The following ABHD18 variants were observed in gnomAD, a reference collection of about 807,000 sequenced individuals.
ABHD18 encodes cardiolipin-specific deacylase, mitochondrial.
In ABHD18, 55 loss-of-function variants were observed where a neutral mutation model predicts 65.9. The ratio of observed to expected loss-of-function variants is 0.84; its 90% confidence interval spans 0.67 to 1.05. The LOEUF (loss-of-function observed/expected upper bound fraction) is 1.05. Among genes scored for constraint, ABHD18 ranks in the 50% least tolerant of loss-of-function variants. The pLI is 0.00. For synonymous variants in ABHD18, 181 were observed against 180.2 expected (o/e 1.00, Z -0.04); for missense variants, 533 against 558.5 (o/e 0.95, Z 0.46).
chr4:128,011,806 A>T, intron 7 of ABHD18, 106 bp downstream of exon 7: 3 of 277,322 alleles, frequency 1.1e-5, no homozygotes, highest in Non-Finnish European at 2.0e-5. Context: ...ATACCTAAAT[A>T]TTATGGGGGG....
intron 1 of ABHD18, among the ~76,000 whole-genome samples, chr4:127,981,106 G>T (rs1313359739): frequency 2.0e-5 from 3 of 152,112 alleles, no homozygotes; most frequent in Admixed American, 6.6e-5. Flanking sequence ...AAAGACTTGG[G>T]TGCTCCTTTT....
intron 1 of ABHD18, among the ~76,000 whole-genome samples, chr4:127,973,755 CA>C (rs1236640957): frequency 7.0e-6 from 1 of 142,388 alleles, no homozygotes; most frequent in Non-Finnish European, 1.5e-5. Context: ...TGAAGAGAGC[CA>C]TGTGACAGGG....
intron 4 of ABHD18, among the ~76,000 whole-genome samples, chr4:127,992,857 A>T (rs569761674): frequency 6.6e-6 from 1 of 152,044 alleles, no homozygotes; most frequent in African/African-American, 2.4e-5. Flanking sequence ...ACTCTTTTAG[A>T]TATGCTTTAT....
rs150803860 is a variant in ABHD18, at chr4:127,990,383, C to T, written c.278+562C>T. Among the ~76,000 whole-genome samples, 672 of 151,956 alleles carry T rather than the reference C, an allele frequency of 4.4e-3. 8 individuals are homozygous for T. Among genetic ancestry groups the T allele is most frequent in the African/African-American group, 0.015 (641 of 41,438 alleles). ...TTCTAGACCAGCCTGGCCAACGTGG[C>T]GAAACCCCATCTCTACTGAAAACAC... On this transcript the variant is annotated intron_variant, in intron 4 of 12. Transcript: ENST00000645843.
chr4:127,974,197 T>TG (rs1233681525), intron 1 of ABHD18, among the ~76,000 whole-genome samples: 86 of 143,052 alleles, frequency 6.0e-4, no homozygotes, highest in African/African-American at 1.9e-3. Context: ...TGTTTTTTTT[T>TG]TTTTTTTTTT....
intron 4 of ABHD18, among the ~76,000 whole-genome samples, chr4:128,002,898 C>T (rs898104681): frequency 2.0e-5 from 3 of 152,052 alleles, no homozygotes; most frequent in African/African-American, 4.8e-5. Context: ...CCTGCCTCAC[C>T]TCCCAAAGTG....
At chr4:127,997,272 G>A (rs1011557922) in intron 4 of ABHD18, among the ~76,000 whole-genome samples, 12 of 152,232 alleles carry the variant, frequency 7.9e-5, no homozygotes, top group South Asian at 2.1e-4. Flanking sequence ...CTGACTTCCC[G>A]TAACACACTT....
intron 4 of ABHD18, among the ~76,000 whole-genome samples, chr4:127,997,878 GT>G (rs371396935): frequency 6.9e-6 from 1 of 144,652 alleles, no homozygotes. Flanking sequence ...CCTCCTCCTC[GT>G]TTTTTTTTGT....
At chr4:128,016,580 G>GA (rs1312732367) in intron 7 of ABHD18, among the ~76,000 whole-genome samples, 5 of 151,624 alleles carry the variant, frequency 3.3e-5, no homozygotes, top group Non-Finnish European at 1.5e-5. Flanking sequence ...TTCAAGACCA[G>GA]TCTGGCCAAC....
intron 4 of ABHD18, among the ~76,000 whole-genome samples, chr4:127,998,395 A>C (rs1226288621): frequency 7.0e-6 from 1 of 143,342 alleles, no homozygotes; most frequent in Non-Finnish European, 1.5e-5. Flanking sequence ...TCCCGCCACC[A>C]CACCCTGCTA....
At chr4:127,987,119 G>A (rs530568804) in intron 3 of ABHD18, among the ~76,000 whole-genome samples, 3 of 152,238 alleles carry the variant, frequency 2.0e-5, no homozygotes, top group East Asian at 1.9e-4. Context: ...TTGGGAGGCC[G>A]AGGCAGTGGA....
intron 1 of ABHD18, among the ~76,000 whole-genome samples, chr4:127,976,617 G>A (rs906669717): frequency 1.3e-5 from 2 of 152,082 alleles, no homozygotes; most frequent in Admixed American, 6.6e-5. Flanking sequence ...ATTCTTTTCA[G>A]ATACTATTTG....
At chr4:127,996,499 C>A (rs1479634566) in intron 4 of ABHD18, among the ~76,000 whole-genome samples, 2 of 152,050 alleles carry the variant, frequency 1.3e-5, no homozygotes, top group African/African-American at 4.8e-5. Context: ...CTTCAAAGGG[C>A]AGTAAAGATC....
At chr4:128,035,400 C>T (rs891121471) in intron 12 of ABHD18, among the ~76,000 whole-genome samples, 1 of 151,954 alleles carries the variant, frequency 6.6e-6, no homozygotes, top group African/African-American at 2.4e-5. Context: ...GGTGATACCC[C>T]GTCTCTACTA....
chr4:128,009,051 C>T lies in ABHD18; in HGVS notation c.357+53C>T. On this transcript the variant is annotated intron_variant, in intron 5 of 12. Coordinates refer to ENST00000645843, the MANE Select transcript of ABHD18 (RefSeq NM_001358451.3). ...TCTAGATAATTTGTTAACATATTCT[C>T]CTTAACAGAAGTGGCTACTATATTC... 6 of 1,580,414 alleles carry T rather than the reference C, an allele frequency of 3.8e-6. No homozygotes were observed. In the South Asian group the frequency reaches 7.1e-5, roughly 19 times the overall value.
intron 12 of ABHD18, among the ~76,000 whole-genome samples, chr4:128,033,509 A>C (rs1397395991): frequency 6.7e-6 from 1 of 148,582 alleles, no homozygotes; most frequent in Non-Finnish European, 1.5e-5. Flanking sequence ...GCAGGCTATC[A>C]GTTTCAAAGA....
intron 8 of ABHD18, among the ~76,000 whole-genome samples, chr4:128,018,300 G>A (rs1755856290): frequency 6.6e-6 from 1 of 152,150 alleles, no homozygotes; most frequent in Non-Finnish European, 1.5e-5. Flanking sequence ...TAGTCACTCA[G>A]TACATTTTTA....
rs754725341 is a variant in ABHD18 at position 128,008,936 on chromosome 4, C to T, written c.295C>T (p.Pro99Ser). The T allele has an allele frequency of 1.2e-6, 2 of 1,606,416 alleles. No homozygotes were observed. Among genetic ancestry groups the T allele is most frequent in the Admixed American group, 3.4e-5 (2 of 59,014 alleles). ...TAAAAATAGGTTCCAATTTATTGTGCCTAAAGAATGGAACAGCAAATATAG... is the reference window on the plus strand; with the variant it reads ...TAAAAATAGGTTCCAATTTATTGTGTCTAAAGAATGGAACAGCAAATATAG... ...SVIARFQFIV[P>S]KEWNSKYRPV... The change falls in exon 5 of 13, where the codon CCT becomes TCT. Residue 99 changes from proline (P) to serine (S), a missense_variant. Coordinates refer to ENST00000645843, the MANE Select transcript of ABHD18 (RefSeq NM_001358451.3).
At position 127,984,535 on chromosome 4, in the gene ABHD18, G is replaced by A. The variant is rs1579192389; in HGVS notation, c.177+112G>A. 3 of 558,486 alleles carry A rather than the reference G, an allele frequency of 5.4e-6. No homozygotes were observed. In the South Asian group the frequency reaches 1.0e-4, roughly 19 times the overall value. The allele number at this position is 558,486 out of a possible 1,614,324, so 34.6% of individuals were successfully genotyped here. Reference sequence around the variant, plus strand: ...CAATAAACACTAAAATATGAGTGCCGTATGGATTTTTCATTTCATATTTAA... The same window carrying A: ...CAATAAACACTAAAATATGAGTGCCATATGGATTTTTCATTTCATATTTAA... On this transcript the variant is annotated intron_variant, in intron 3 of 12. Transcript: ENST00000645843.
Sources: allele counts gnomAD v4.1 joint callset (sites outside exome capture counted in the v4.1 genomes callset), GRCh38; gene constraint gnomAD v4.1.1; transcripts MANE v1.5; gene names NCBI Gene and HGNC (gene_info 2026-07-23, HGNC 2026-07-21).